PCBD1: variants seen among roughly 807,000 people sequenced by gnomAD.
PCBD1 encodes pterin-4 alpha-carbinolamine dehydratase 1, also known as pterin-4-alpha-carbinolamine dehydratase.
PCBD1 carries 16 observed loss-of-function variants against 12.6 expected under a neutral mutation model. That is an observed-to-expected ratio of 1.27 (90% confidence interval 0.86 to 1.93). The LOEUF (loss-of-function observed/expected upper bound fraction) is 1.93, where lower values mean the gene tolerates loss of function less well. PCBD1 is among the 30% of genes most tolerant of loss of function. The pLI is 0.00. For missense variants in PCBD1, 86 were observed against 130.1 expected (o/e 0.66, Z 1.65); for synonymous variants, 53 against 50.2 (o/e 1.05, Z -0.23).
rs573430589 is a variant in PCBD1, at chr10:70,888,560, G to T, written c.-27C>A. 3 of 1,225,216 alleles carry T rather than the reference G, an allele frequency of 2.4e-6. No homozygotes were observed. Among genetic ancestry groups the T allele is most frequent in the Non-Finnish European group, 3.1e-6 (3 of 983,278 alleles). 75.9% of individuals were successfully genotyped at this position (1,225,216 alleles called of 1,614,324 possible). Reference sequence around the variant, plus strand: ...GCGCGGGCGGCAGCAGGTGGCCAGCGGAGAGGGCAGGCGGCGGCCGGGCGC... The same window carrying T: ...GCGCGGGCGGCAGCAGGTGGCCAGCTGAGAGGGCAGGCGGCGGCCGGGCGC... On this transcript the variant is annotated 5_prime_UTR_variant, in exon 1 of 4. Transcript: ENST00000299299.
At chr10:70,885,372 C>T in intron 2 of PCBD1, 140 bp from the exon 3 acceptor site, 1 of 719,418 alleles carries the variant, frequency 1.4e-6, no homozygotes, top group Non-Finnish European at 2.5e-6. Context: ...CCTTGACATC[C>T]TGTCACTGGT....
intron 3 of PCBD1, 100 bp from the exon 4 acceptor site, chr10:70,884,148 C>T (rs1006835283): frequency 1.7e-6 from 2 of 1,206,240 alleles, no homozygotes; most frequent in African/African-American, 1.5e-5. Context: ...TCCAGAATAG[C>T]AGCTGGCCAG....
rs1220112869 is a variant in PCBD1, at chr10:70,888,565, G to A, written c.-32C>T. The A allele has an allele frequency of 4.9e-6, 6 of 1,212,692 alleles. No homozygotes were observed. Among genetic ancestry groups the A allele is most frequent in the Admixed American group, 4.4e-5 (1 of 22,892 alleles). The allele number at this position is 1,212,692 out of a possible 1,614,324, so 75.1% of individuals were successfully genotyped here. ...GGCGGCAGCAGGTGGCCAGCGGAGA[G>A]GGCAGGCGGCGGCCGGGCGCGCAGG... On this transcript the variant is annotated 5_prime_UTR_variant, in exon 1 of 4. Coordinates refer to ENST00000299299, the MANE Select transcript of PCBD1 (RefSeq NM_000281.4).
At position 70,887,309 on chromosome 10, in the gene PCBD1, C is replaced by CT. The variant is rs569810443; in HGVS notation, c.3+1221dup. Among the ~76,000 whole-genome samples, 209 of 152,300 alleles carry CT rather than the reference C, an allele frequency of 1.4e-3. 1 individual carries two copies. The highest frequency in any genetic ancestry group is 0.01 in the Middle Eastern group (3 of 294). On this transcript the variant is annotated intron_variant, in intron 1 of 3. Coordinates refer to ENST00000299299, the MANE Select transcript of PCBD1 (RefSeq NM_000281.4). ...CATCGCAGTGCTTTCCTAAGTCCGTCTTTTTTCCCTGCTGTTTTCCCTCCT... is the reference window on the plus strand; with the variant it reads ...CATCGCAGTGCTTTCCTAAGTCCGTCTTTTTTTCCCTGCTGTTTTCCCTCCT...
In PCBD1 at chr10:70,885,947, A is replaced by G; in HGVS notation, c.4-18T>C. ...TTGCCAGCCTAGAAGAGGGAAAAAA[A>G]CAGAGGCCCAAGGGCATTTCTCTTT... is the stretch of plus-strand genomic sequence containing the variant. On this transcript the variant is annotated intron_variant, in intron 1 of 3. Coordinates refer to ENST00000299299, the MANE Select transcript of PCBD1 (RefSeq NM_000281.4). 6.2e-7 allele frequency: 1 copy of G among 1,612,888 alleles called. No homozygotes were observed. The highest frequency in any genetic ancestry group is 8.5e-7 in the Non-Finnish European group (1 of 1,179,706).
downstream of PCBD1, among the ~76,000 whole-genome samples, chr10:70,882,729 C>T (rs1228429908): frequency 2.0e-5 from 3 of 152,212 alleles, no homozygotes; most frequent in Non-Finnish European, 4.4e-5. Flanking sequence ...CACAGACACA[C>T]CCGGAATGTT....
At chr10:70,885,366 G>A (rs1564636609) in intron 2 of PCBD1, 134 bp from the exon 3 acceptor site, 17 of 726,268 alleles carry the variant, frequency 2.3e-5, no homozygotes, top group Non-Finnish European at 4.0e-5. Flanking sequence ...TTTCCCCCTT[G>A]ACATCCTGTC....
chr10:70,884,195 G>A (rs1846546001), intron 3 of PCBD1, 147 bp from the exon 4 acceptor site: 4 of 737,384 alleles, frequency 5.4e-6, no homozygotes, highest in South Asian at 4.5e-5. Context: ...TGACATGTCT[G>A]TAACAACATC....
At chr10:70,886,909 C>A (rs1268513042) in intron 1 of PCBD1, among the ~76,000 whole-genome samples, 1 of 152,162 alleles carries the variant, frequency 6.6e-6, no homozygotes, top group Non-Finnish European at 1.5e-5. Context: ...GGTCTAGGAG[C>A]TTAACAGATC....
At chr10:70,882,925 C>T (rs1846521305), downstream of PCBD1, among the ~76,000 whole-genome samples, 1 of 151,980 alleles carries the variant, frequency 6.6e-6, no homozygotes, top group African/African-American at 2.4e-5. Flanking sequence ...ATCTGAAAAT[C>T]AGAAATCTAA....
At chr10:70,884,242 C>G (rs1361318206) in intron 3 of PCBD1, among the ~76,000 whole-genome samples, 194 bp from the exon 4 acceptor site, 2 of 152,164 alleles carry the variant, frequency 1.3e-5, no homozygotes, top group Non-Finnish European at 2.9e-5. Flanking sequence ...CAAAAATAAT[C>G]ATGACTTCAG....
intron 1 of PCBD1, 141 bp from the exon 2 acceptor site, chr10:70,886,070 T>A: frequency 8.5e-7 from 1 of 1,173,200 alleles, no homozygotes; most frequent in Non-Finnish European, 1.2e-6. Context: ...CTTTGAGCAA[T>A]AGGCTGGGAG....
chr10:70,885,870 C>T lies in PCBD1; in HGVS notation c.63G>A (p.Arg21=), dbSNP rs1242744448. 16 of 1,614,118 alleles carry T rather than the reference C, an allele frequency of 9.9e-6. No individual in the cohort carries two copies. The highest frequency in any genetic ancestry group is 1.4e-5 in the Non-Finnish European group (16 of 1,180,002). Residue 21 remains arginine, a synonymous_variant, in exon 2 of 4, where the codon AGG becomes AGA. Transcript: ENST00000299299. ...EERDQLLPNL[R]AVGWNELEGR... ...CTTCCAGCTCATTCCACCCCACAGC[C>T]CTCAGGTTTGGCAGCAGCTGGTCCC...
intron 2 of PCBD1, among the ~76,000 whole-genome samples, chr10:70,885,448 A>G (rs1744200011): frequency 6.6e-6 from 1 of 152,234 alleles, no homozygotes; most frequent in South Asian, 2.1e-4. Flanking sequence ...GGATGTCAAC[A>G]AGGTGGAAAC....
Position 70,885,888 on chromosome 10 carries a change from C to G in PCBD1, c.45G>C (p.Gln15His), listed in dbSNP as rs535425650. Reference protein sequence around the residue: ...AHRLSAEERDQLLPNLRAVGW... With the variant: ...AHRLSAEERDHLLPNLRAVGW... ...CCACAGCCCTCAGGTTTGGCAGCAG[C>G]TGGTCCCTCTCCTCAGCGCTCAGCC... is the stretch of plus-strand genomic sequence containing the variant. Residue 15 changes from glutamine to histidine, a missense_variant, in exon 2 of 4, where the codon CAG (glutamine) becomes CAC (histidine). Transcript: ENST00000299299. 1.4e-5 allele frequency: 23 copies of G among 1,614,078 alleles called. No homozygotes were observed. The African/African-American group carries it at 3.1e-4, about 22-fold the overall frequency.
intron 1 of PCBD1, 37 bp downstream of exon 1, chr10:70,888,494 C>A (rs1172950156): frequency 2.3e-5 from 34 of 1,447,590 alleles, no homozygotes; most frequent in Non-Finnish European, 3.1e-5. Flanking sequence ...GCCCCGGCCC[C>A]GCTGCCCCGA....
chr10:70,885,259 T>G, intron 2 of PCBD1, 27 bp from the exon 3 acceptor site: 1 of 1,586,682 alleles, frequency 6.3e-7, no homozygotes, highest in Non-Finnish European at 8.7e-7. Context: ...AGAGCCAGGT[T>G]AGTGTTCTAA....
At chr10:70,883,420 G>T (rs906324732), downstream of PCBD1, 4 of 590,444 alleles carry the variant, frequency 6.8e-6, no homozygotes, top group East Asian at 2.1e-4. Context: ...AACAGAGGAA[G>T]TGCCTAGCAC....
At chr10:70,884,650 T>G (rs1400016687) in intron 3 of PCBD1, among the ~76,000 whole-genome samples, 1 of 152,044 alleles carries the variant, frequency 6.6e-6, no homozygotes, top group East Asian at 1.9e-4. Context: ...CCCGCCTAAT[T>G]TTTTTGTGTT....
Sources: allele counts gnomAD v4.1 joint callset (sites outside exome capture counted in the v4.1 genomes callset), GRCh38; gene constraint gnomAD v4.1.1; transcripts MANE v1.5; gene names NCBI Gene and HGNC (gene_info 2026-07-23, HGNC 2026-07-21).